PCBP3: variants seen among roughly 807,000 people sequenced by gnomAD.
PCBP3 encodes poly(rC)-binding protein 3.
In PCBP3, 25 loss-of-function variants were observed where a neutral mutation model predicts 52.7. The observed-to-expected ratio is 0.47, with a 90% confidence interval of 0.35 to 0.66. The LOEUF (loss-of-function observed/expected upper bound fraction) is 0.66. PCBP3 is among the 30% of genes least tolerant of loss of function. The pLI, the probability that PCBP3 is intolerant of heterozygous loss-of-function variation, is 0.01. For missense variants in PCBP3, 391 were observed against 490.3 expected, an observed-to-expected ratio of 0.80 and a Z score of 1.91; for synonymous variants, 162 against 183.0, an observed-to-expected ratio of 0.89 and a Z score of 0.93.
intron 4 of PCBP3, among the ~76,000 whole-genome samples, chr21:45,794,759 C>T (rs1355011096): frequency 6.6e-6 from 1 of 152,090 alleles, no homozygotes; most frequent in African/African-American, 2.4e-5. Flanking sequence ...GAAACCCCAT[C>T]TCTACTAAAA....
Position 45,910,909 on chromosome 21 carries a change from G to A in PCBP3, c.479G>A (p.Gly160Asp). The change falls in exon 11 of 18, where the codon GGT becomes GAT. Residue 160 changes from glycine (G) to aspartate (D), a missense_variant. Gly to Asp is a moderately conservative substitution (Grantham distance 94, BLOSUM62 -1). Coordinates refer to ENST00000681687, the MANE Select transcript of PCBP3 (RefSeq NM_001384156.1). ...AATGTCCCCTCTCTCCAGTCCACAGGTGCCCAGGTGCAGGTGGCTGGGGAC... is the reference window on the plus strand; with the variant it reads ...AATGTCCCCTCTCTCCAGTCCACAGATGCCCAGGTGCAGGTGGCTGGGGAC... Reference protein sequence around the residue: ...SKIKEIRESTGAQVQVAGDML... With the variant: ...SKIKEIRESTDAQVQVAGDML... 4 of 1,606,462 alleles carry A rather than the reference G, an allele frequency of 2.5e-6. No homozygotes were observed. Among genetic ancestry groups the A allele is most frequent in the Non-Finnish European group, 3.4e-6 (4 of 1,177,648 alleles).
At chr21:45,930,904 GGGA>G in intron 15 of PCBP3, 59 bp downstream of exon 15, 1 of 1,604,758 alleles carries the variant, frequency 6.2e-7, no homozygotes. Flanking sequence ...GAGCCCCAGT[GGGA>G]GGAGGTGTGG....
chr21:45,868,247 C>T (rs2148572318), intron 5 of PCBP3, among the ~76,000 whole-genome samples: 1 of 152,316 alleles, frequency 6.6e-6, no homozygotes, highest in South Asian at 2.1e-4. Flanking sequence ...GGGCACCTCC[C>T]GGTGTGGGTG....
intron 5 of PCBP3, among the ~76,000 whole-genome samples, chr21:45,887,653 C>T (rs1225932136): frequency 6.6e-6 from 1 of 152,216 alleles, no homozygotes; most frequent in African/African-American, 2.4e-5. Flanking sequence ...AGGCAAACAG[C>T]GTCGCCATTC....
intron 5 of PCBP3, among the ~76,000 whole-genome samples, chr21:45,857,150 A>G (rs1289810368): frequency 6.6e-6 from 1 of 152,240 alleles, no homozygotes. Flanking sequence ...AAGCTATGTT[A>G]ATAGAGATTC....
intron 4 of PCBP3, among the ~76,000 whole-genome samples, chr21:45,795,971 T>G (rs755823914): frequency 2.0e-5 from 3 of 152,316 alleles, no homozygotes; most frequent in Non-Finnish European, 4.4e-5. Context: ...AGTGAACAGT[T>G]TTCTACAAAG....
At chr21:45,899,467 T>G (rs907471163) in intron 6 of PCBP3, 132 bp from the exon 7 acceptor site, 1 of 673,840 alleles carries the variant, frequency 1.5e-6, no homozygotes, top group Non-Finnish European at 2.7e-6. Flanking sequence ...TTCTCCCTTC[T>G]TCATGCACAC....
chr21:45,745,199 T>C (rs898897951), intron 3 of PCBP3, among the ~76,000 whole-genome samples: 4 of 152,080 alleles, frequency 2.6e-5, no homozygotes, highest in Non-Finnish European at 5.9e-5. Flanking sequence ...GTGAGACCCA[T>C]AGGAGACATG....
intron 4 of PCBP3, among the ~76,000 whole-genome samples, chr21:45,824,422 TC>T (rs1270338645): frequency 8.5e-5 from 13 of 152,264 alleles, no homozygotes; most frequent in Admixed American, 3.9e-4. Flanking sequence ...AGAAGCCACA[TC>T]CCAGAATTCC....
intron 5 of PCBP3, among the ~76,000 whole-genome samples, chr21:45,895,899 T>G (rs2149008220): frequency 6.6e-6 from 1 of 152,250 alleles, no homozygotes; most frequent in East Asian, 1.9e-4. Flanking sequence ...CTCCTGCCAG[T>G]CTCCGGCTGC....
intron 5 of PCBP3, chr21:45,871,264 C>T (rs2095002992): frequency 7.0e-6 from 1 of 142,734 alleles, no homozygotes; most frequent in Non-Finnish European, 1.5e-5. Context: ...CAGGGAAGGC[C>T]GTGCAGTCCA....
chr21:45,914,019 T>A lies in PCBP3; in HGVS notation c.669T>A (p.Gly223=). Residue 223 remains glycine, a synonymous_variant, in exon 12 of 18, where the codon GGT becomes GGA. Transcript: ENST00000681687. The part of the protein sequence containing the change: ...KPASTPVIFA[G]GQAYTIQGQY... ...CCTCCACCCCTGTCATTTTTGCAGG[T>A]GGTCAGGTAAGAGCCGATCCGCTCG... The A allele has an allele frequency of 1.2e-6, 2 of 1,613,608 alleles. No individual in the cohort carries two copies. The highest frequency in any genetic ancestry group is 1.7e-6 in the Non-Finnish European group (2 of 1,179,874).
intron 4 of PCBP3, among the ~76,000 whole-genome samples, chr21:45,796,820 T>C (rs1349817530): frequency 1.3e-5 from 2 of 152,372 alleles, no homozygotes; most frequent in African/African-American, 4.8e-5. Context: ...AAAAACTTTG[T>C]ATGGGGTTTG....
chr21:45,882,341 A>G (rs762363765), intron 5 of PCBP3, among the ~76,000 whole-genome samples: 7 of 152,044 alleles, frequency 4.6e-5, no homozygotes, highest in Non-Finnish European at 8.8e-5. Context: ...AGAAGCTTCC[A>G]TTCCGTTTCT....
At chr21:45,748,720 C>T (rs1324855248) in intron 3 of PCBP3, among the ~76,000 whole-genome samples, 1 of 152,204 alleles carries the variant, frequency 6.6e-6, no homozygotes, top group Non-Finnish European at 1.5e-5. Context: ...AGGAGCACAG[C>T]GGTGAGCTGT....
chr21:45,880,200 C>T lies in PCBP3; in HGVS notation c.11-16008C>T, dbSNP rs970957646. ...TGGGAGCTGGTGGATTTGCAAGTCA[C>T]GGCCAGCCTTCGAAAGCAGGACTGT... On this transcript the variant is annotated intron_variant, in intron 5 of 17. Transcript: ENST00000681687. The surrounding 1 kb of genome is among the most constrained non-coding windows in gnomAD (Gnocchi z 5.4). Among the ~76,000 whole-genome samples, 4 of 152,202 alleles carry T rather than the reference C, an allele frequency of 2.6e-5. No individual in the cohort carries two copies. The highest frequency in any genetic ancestry group is 4.8e-5 in the African/African-American group (2 of 41,466).
At chr21:45,891,441 G>A (rs919302502) in intron 5 of PCBP3, among the ~76,000 whole-genome samples, 11 of 152,212 alleles carry the variant, frequency 7.2e-5, no homozygotes, top group East Asian at 5.8e-4. Context: ...GCTCAGCAGC[G>A]TGGATACATC....
chr21:45,820,692 A>G (rs1256089117), intron 4 of PCBP3, among the ~76,000 whole-genome samples: 1 of 152,176 alleles, frequency 6.6e-6, no homozygotes, highest in East Asian at 1.9e-4. Flanking sequence ...GTTTCTGAGA[A>G]GCCAGAGGAG....
At chr21:45,857,193 G>A (rs935146671) in intron 5 of PCBP3, among the ~76,000 whole-genome samples, 2 of 152,296 alleles carry the variant, frequency 1.3e-5, no homozygotes, top group African/African-American at 2.4e-5. Context: ...CACAAAGGAC[G>A]GCTTTGTAGG....
Sources: allele counts gnomAD v4.1 joint callset (sites outside exome capture counted in the v4.1 genomes callset), GRCh38; gene constraint gnomAD v4.1.1; non-coding constraint Gnocchi (gnomAD v3.1); transcripts MANE v1.5; gene names NCBI Gene and HGNC (gene_info 2026-07-23, HGNC 2026-07-21).